Variants in CA2 observed in about 807,000 individuals in gnomAD.
The protein encoded by CA2 is carbonate dehydratase II.
A neutral mutation model predicts 27.8 loss-of-function variants in CA2; 23 were observed. The observed-to-expected ratio is 0.83, with a 90% CI of 0.59 to 1.17. CA2 has a LOEUF of 1.17. Ranked by LOEUF, CA2 falls within the 50% of genes most tolerant of loss-of-function variation. The pLI is 0.00. For synonymous variants in CA2, 99 were observed against 114.9 expected, an observed-to-expected ratio of 0.86 and a Z score of 0.88; for missense variants, 300 against 314.7, an observed-to-expected ratio of 0.95 and a Z score of 0.35.
chr8:85,480,553 G>T, intron 6 of CA2, 117 bp from the exon 7 acceptor site: 1 of 993,968 alleles, frequency 1.0e-6, no homozygotes, highest in Non-Finnish European at 1.5e-6. Context: ...AAAGTGCTGG[G>T]ATTACAGGCA....
chr8:85,479,060 C>T (rs990449005), intron 6 of CA2, among the ~76,000 whole-genome samples: 3 of 152,154 alleles, frequency 2.0e-5, no homozygotes, highest in African/African-American at 7.2e-5. Flanking sequence ...TGCAGGTTTA[C>T]CCCACTGAGG....
Position 85,477,145 on chromosome 8 carries a change from T to G in CA2, c.533T>G (p.Phe178Cys), listed in dbSNP as rs1811812943. Reference sequence around the variant, plus strand: ...GGCAAGAGTGCTGACTTCACTAACTTCGATCCTCGTGGCCTCCTTCCTGAA... The same window carrying G: ...GGCAAGAGTGCTGACTTCACTAACTGCGATCCTCGTGGCCTCCTTCCTGAA... ...TKGKSADFTN[F>C]DPRGLLPESL... is the part of the protein sequence containing the mutation. The change falls in exon 6 of 7, where the codon TTC (phenylalanine) becomes TGC (cysteine). Residue 178 changes from phenylalanine to cysteine, a missense_variant. This residue lies in a region of CA2 where 173 missense variants were observed against 161.0 expected (regional missense o/e 1.07). Transcript: ENST00000285379. 1 of 1,613,988 alleles carries G rather than the reference T, an allele frequency of 6.2e-7. No homozygotes were observed. The highest frequency in any genetic ancestry group is 1.1e-5 in the South Asian group (1 of 91,076).
intron 4 of CA2, among the ~76,000 whole-genome samples, chr8:85,475,339 A>G (rs1410212528): frequency 1.4e-5 from 2 of 144,344 alleles, no homozygotes; most frequent in East Asian, 4.3e-4. Context: ...CCACTGCACT[A>G]CAAGCTGGAT....
At chr8:85,469,201 A>G (rs770431943) in intron 2 of CA2, among the ~76,000 whole-genome samples, 9 of 152,184 alleles carry the variant, frequency 5.9e-5, no homozygotes, top group Non-Finnish European at 1.2e-4. Flanking sequence ...TTGTGGTGGT[A>G]ACATTTTTAG....
rs750229992 is a variant in CA2, at chr8:85,480,673, T to C, written c.667T>C (p.Leu223=). The stretch of plus-strand genomic sequence containing the variant: ...AATGTTTTATTGTGTCTTTTAGGTG[T>C]TGAAATTCCGTAAACTTAACTTCAA... ...EPISVSSEQV[L]KFRKLNFNGE... The change falls in exon 7 of 7, where the codon TTG becomes CTG. Residue 223 remains leucine, a synonymous_variant. Transcript: ENST00000285379. The C allele has an allele frequency of 6.2e-6, 10 of 1,612,996 alleles. No homozygotes were observed. In the East Asian group the frequency reaches 1.3e-4, roughly 22 times the overall value.
chr8:85,474,352 A>G lies in CA2; in HGVS notation c.380A>G (p.Tyr127Cys), dbSNP rs752268445. Residue 127 changes from tyrosine to cysteine, a missense_variant, in exon 4 of 7, where the codon TAT (tyrosine) becomes TGT (cysteine). This residue lies in a region of CA2 where 5 missense variants were observed against 20.5 expected (regional missense o/e 0.24). Coordinates refer to ENST00000285379, the MANE Select transcript of CA2 (RefSeq NM_000067.3). ...ELHLVHWNTK[Y>C]GDFGKAVQQP... ...CACTTGGTTCACTGGAACACCAAAT[A>G]TGGGGATTTTGGGAAAGCTGTGCAG... is the stretch of plus-strand genomic sequence containing the variant. The G allele has an allele frequency of 6.2e-7, 1 of 1,614,042 alleles. No homozygotes were observed. Among genetic ancestry groups the G allele is most frequent in the Non-Finnish European group, 8.5e-7 (1 of 1,179,936 alleles).
intron 2 of CA2, among the ~76,000 whole-genome samples, chr8:85,472,422 A>T (rs768400613): frequency 7.9e-5 from 12 of 152,202 alleles, no homozygotes; most frequent in Non-Finnish European, 1.8e-4. Flanking sequence ...GACTGATTTC[A>T]CACTATTTTA....
At chr8:85,465,566 A>C in intron 2 of CA2, 97 bp downstream of exon 2, 1 of 967,804 alleles carries the variant, frequency 1.0e-6, no homozygotes, top group Non-Finnish European at 1.6e-6. Context: ...CCTCTTAATA[A>C]TACAGTTTGT....
chr8:85,470,651 T>A (rs775571064), intron 2 of CA2, among the ~76,000 whole-genome samples: 1 of 152,186 alleles, frequency 6.6e-6, no homozygotes, highest in African/African-American at 2.4e-5. Context: ...GTAATTTATA[T>A]AATTTCCTCA....
intron 2 of CA2, among the ~76,000 whole-genome samples, chr8:85,468,646 G>T (rs1811665537): frequency 6.6e-6 from 1 of 152,148 alleles, no homozygotes; most frequent in South Asian, 2.1e-4. Context: ...TGTAATCCCA[G>T]CTACTCAGGA....
intron 3 of CA2, 55 bp from the exon 4 acceptor site, chr8:85,474,269 C>CT: frequency 8.2e-7 from 1 of 1,226,202 alleles, no homozygotes; most frequent in Non-Finnish European, 1.2e-6. Context: ...TGAATAAAAT[C>CT]TGTCAGCTTT....
intron 2 of CA2, among the ~76,000 whole-genome samples, chr8:85,470,619 G>A (rs1313668709): frequency 6.6e-6 from 1 of 151,944 alleles, no homozygotes; most frequent in Non-Finnish European, 1.5e-5. Context: ...AATATTACTG[G>A]ATTTCTTATT....
chr8:85,472,726 C>A (rs954414546), intron 2 of CA2, among the ~76,000 whole-genome samples: 4 of 152,186 alleles, frequency 2.6e-5, no homozygotes, highest in African/African-American at 9.6e-5. Context: ...CACGGTGGCT[C>A]ATGCCTGTAA....
rs1811883894 is a variant in CA2 at position 85,481,011 on chromosome 8, T to C, written c.*222T>C. 1 of 535,984 alleles carries C rather than the reference T, an allele frequency of 1.9e-6. No individual in the cohort carries two copies. The highest frequency in any genetic ancestry group is 3.4e-6 in the Non-Finnish European group (1 of 297,968). The allele number at this position is 535,984 out of a possible 1,614,324, so 33.2% of individuals were successfully genotyped here. On this transcript the variant is annotated 3_prime_UTR_variant, in exon 7 of 7. Transcript: ENST00000285379. Reference sequence around the variant, plus strand: ...GTTGGTGCTTTGTTTATGGTAGTAGTTTTTCTGTAACACAGAATATAGGAT... The same window carrying C: ...GTTGGTGCTTTGTTTATGGTAGTAGCTTTTCTGTAACACAGAATATAGGAT...
intron 2 of CA2, 174 bp from the exon 3 acceptor site, chr8:85,473,519 T>G (rs1811739627): frequency 1.5e-6 from 1 of 686,906 alleles, no homozygotes; most frequent in Non-Finnish European, 2.7e-6. Context: ...CTGGATTGAA[T>G]TTTCAGAGTA....
Position 85,465,899 on chromosome 8 carries a change from C to T in CA2, c.232+430C>T, listed in dbSNP as rs377524471. On this transcript the variant is annotated intron_variant, in intron 2 of 6. Coordinates refer to ENST00000285379, the MANE Select transcript of CA2 (RefSeq NM_000067.3). ...TTCAAGTTAGCAGCGAGAAGAGTAACAAAAACGTGCCAATTTAAAATACTG... is the reference window on the plus strand; with the variant it reads ...TTCAAGTTAGCAGCGAGAAGAGTAATAAAAACGTGCCAATTTAAAATACTG... Among the ~76,000 whole-genome samples the T allele has an allele frequency of 1.5e-4, 23 of 152,188 alleles. No homozygotes were observed. The South Asian group carries it at 4.1e-3, about 27-fold the overall frequency.
chr8:85,466,679 T>TACATACAC (rs780238454), intron 2 of CA2, among the ~76,000 whole-genome samples: 1 of 148,948 alleles, frequency 6.7e-6, no homozygotes, highest in East Asian at 2.0e-4. Context: ...CATACATACA[T>TACATACAC]ACACACACAC....
chr8:85,468,836 CTT>C (rs33943397), intron 2 of CA2, among the ~76,000 whole-genome samples: 124 of 146,744 alleles, frequency 8.5e-4, no homozygotes, highest in Non-Finnish European at 7.2e-4. Context: ...GACTTTCTTT[CTT>C]TTTTTTTTTT....
chr8:85,478,208 G>T (rs576637664), intron 6 of CA2, among the ~76,000 whole-genome samples: 1 of 152,188 alleles, frequency 6.6e-6, no homozygotes, highest in Non-Finnish European at 1.5e-5. Flanking sequence ...CTGGGAGCAA[G>T]GATTCTATTC....
Sources: allele counts gnomAD v4.1 joint callset (sites outside exome capture counted in the v4.1 genomes callset), GRCh38; gene constraint gnomAD v4.1.1; regional missense constraint gnomAD v4.1.1; transcripts MANE v1.5; gene names NCBI Gene and HGNC (gene_info 2026-07-23, HGNC 2026-07-21).